The following CAST variants were observed in gnomAD, a reference collection of about 807,000 sequenced individuals.
The protein encoded by CAST is MIR583 host.
CAST carries 76 observed loss-of-function variants against 119.6 expected under a neutral mutation model. The observed-to-expected ratio is 0.64, with a 90% CI of 0.53 to 0.77. The LOEUF (loss-of-function observed/expected upper bound fraction) is 0.77. Among genes scored for constraint, CAST ranks in the 30% least tolerant of loss-of-function variants. The pLI is 0.00. For synonymous variants in CAST, 319 were observed against 331.6 expected, an observed-to-expected ratio of 0.96 and a Z score of 0.41; for missense variants, 953 against 946.5, an observed-to-expected ratio of 1.01 and a Z score of -0.09.
At chr5:96,561,796 G>GTTTTTTTGTTTTTTTGTTTTT (rs1267067922) in intron 1 of CAST, among the ~76,000 whole-genome samples, 1 of 97,422 alleles carries the variant, frequency 1.0e-5, no homozygotes, top group African/African-American at 3.8e-5. Context: ...GTTTTTTTTT[G>GTTTTTTTGTTTTTTTGTTTTT]TTTTTTTTTT....
the CAST span, among the ~76,000 whole-genome samples, chr5:96,413,475 A>G: frequency 6.6e-6 from 1 of 152,206 alleles, no homozygotes; most frequent in Non-Finnish European, 1.5e-5. Context: ...TGATCAGTGA[A>G]AGTTGTATTT....
At chr5:96,271,095 T>C in the CAST span, among the ~76,000 whole-genome samples, 1 of 152,066 alleles carries the variant, frequency 6.6e-6, no homozygotes, top group South Asian at 2.1e-4. Context: ...AAGATCTATA[T>C]AAGGAAAACT....
the CAST span, among the ~76,000 whole-genome samples, chr5:96,490,832 G>T: frequency 1.3e-5 from 2 of 151,828 alleles, no homozygotes; most frequent in Admixed American, 6.6e-5. Flanking sequence ...TGGAATAAAT[G>T]AAAGTTTATT....
At chr5:96,335,195 A>ATCTCTTCT in the CAST span, among the ~76,000 whole-genome samples, 1 of 152,052 alleles carries the variant, frequency 6.6e-6, no homozygotes, top group Non-Finnish European at 1.5e-5. Flanking sequence ...GTGATGTCCT[A>ATCTCTTCT]TCTCTTCTTC....
At chr5:96,387,730 G>A in the CAST span, among the ~76,000 whole-genome samples, 1 of 152,124 alleles carries the variant, frequency 6.6e-6, no homozygotes, top group African/African-American at 2.4e-5. Flanking sequence ...AATGAGTTTT[G>A]AGCTGAGCCC....
intron 1 of CAST, among the ~76,000 whole-genome samples, chr5:96,631,573 T>C (rs1747819199): frequency 7.5e-6 from 1 of 133,970 alleles, no homozygotes; most frequent in Non-Finnish European, 1.7e-5. Flanking sequence ...GTAAAAGTTT[T>C]TCTGTGAATA....
chr5:96,759,284 G>C (rs907848351), intron 24 of CAST, among the ~76,000 whole-genome samples: 14 of 152,126 alleles, frequency 9.2e-5, no homozygotes, highest in Non-Finnish European at 4.4e-5. Flanking sequence ...TAAAAGAGTA[G>C]CTCCTGTACG....
chr5:96,435,346 C>A, the CAST span, among the ~76,000 whole-genome samples: 1 of 152,214 alleles, frequency 6.6e-6, no homozygotes, highest in Non-Finnish European at 1.5e-5. Flanking sequence ...AGTAAACTCT[C>A]ACAAAAAGAA....
the CAST span, chr5:96,215,184 G>T: frequency 1.3e-5 from 2 of 152,156 alleles, no homozygotes; most frequent in Non-Finnish European, 2.9e-5. Context: ...ATACTGTACA[G>T]CAGGGGTTCT....
the CAST span, among the ~76,000 whole-genome samples, chr5:96,257,673 C>G: frequency 6.6e-6 from 1 of 152,236 alleles, no homozygotes; most frequent in Non-Finnish European, 1.5e-5. Flanking sequence ...TTCTGCACAG[C>G]AGCAATTTCA....
intron 24 of CAST, chr5:96,761,877 T>C (rs1476716547): frequency 5.7e-5 from 9 of 156,966 alleles, no homozygotes; most frequent in Non-Finnish European, 8.5e-5. Context: ...TATGAATTCC[T>C]AGCAACATTT....
upstream of CAST, among the ~76,000 whole-genome samples, chr5:96,521,549 T>C (rs937375142): frequency 1.3e-5 from 2 of 152,204 alleles, no homozygotes; most frequent in Non-Finnish European, 2.9e-5. Context: ...ATGTCACATG[T>C]TCCCCATAAG....
At chr5:96,117,500 T>C in the CAST span, among the ~76,000 whole-genome samples, 4 of 152,320 alleles carry the variant, frequency 2.6e-5, no homozygotes, top group South Asian at 4.1e-4. Context: ...ATAAATGGTA[T>C]TGTTTAAATT....
the CAST span, among the ~76,000 whole-genome samples, chr5:95,981,611 C>T: frequency 6.6e-6 from 1 of 152,190 alleles, no homozygotes; most frequent in African/African-American, 2.4e-5. Flanking sequence ...CGCAGTGGCT[C>T]ACGCCTGTAA....
chr5:96,278,160 G>A, the CAST span, among the ~76,000 whole-genome samples: 1 of 152,112 alleles, frequency 6.6e-6, no homozygotes, highest in East Asian at 1.9e-4. Flanking sequence ...TAAGGTTAGG[G>A]ATGAAGAAGA....
chr5:96,522,511 T>C (rs554398581), upstream of CAST, among the ~76,000 whole-genome samples: 36 of 152,294 alleles, frequency 2.4e-4, no homozygotes, highest in Non-Finnish European at 3.5e-4. Flanking sequence ...AAAATGAATG[T>C]TGCACAGTAA....
chr5:96,591,012 T>C (rs1007581708), intron 1 of CAST, among the ~76,000 whole-genome samples: 1 of 152,194 alleles, frequency 6.6e-6, no homozygotes, highest in Non-Finnish European at 1.5e-5. Context: ...TTCTCCATAG[T>C]GAGAAAACTT....
the CAST span, chr5:96,399,976 T>C: frequency 3.1e-6 from 5 of 1,613,886 alleles, no homozygotes; most frequent in Admixed American, 3.3e-5. Flanking sequence ...CATTGTCCTT[T>C]ACAACACACT....
the CAST span, among the ~76,000 whole-genome samples, chr5:96,086,713 ATC>A: frequency 6.6e-6 from 1 of 152,054 alleles, no homozygotes; most frequent in East Asian, 1.9e-4. Context: ...CTCTGTTTCT[ATC>A]TGTCTGTGTA....
Sources: gnomAD v4.1 joint callset for allele counts (sites outside exome capture counted in the v4.1 genomes callset) on GRCh38, gnomAD v4.1.1 for gene constraint, MANE v1.5 for transcripts, NCBI Gene and HGNC (gene_info 2026-07-23, HGNC 2026-07-21) for gene names.